The following ZNF780A variants were observed in gnomAD, a reference collection of about 807,000 sequenced individuals.
ZNF780A encodes zinc finger protein 780A.
In ZNF780A, 40 loss-of-function variants were observed where a neutral mutation model predicts 56.7. That is an observed-to-expected ratio of 0.71 (90% CI 0.55 to 0.92). The LOEUF (loss-of-function observed/expected upper bound fraction) is 0.92, where lower values mean the gene tolerates loss of function less well. Ranked by LOEUF, ZNF780A falls within the 40% of genes least tolerant of loss-of-function variation. The pLI is 0.00. For synonymous variants in ZNF780A, 231 were observed against 248.3 expected (o/e 0.93, Z 0.66); for missense variants, 672 against 783.3 (o/e 0.86, Z 1.70).
chr19:40,078,780 A>G (rs564384604), intron 5 of ZNF780A, among the ~76,000 whole-genome samples: 50 of 152,346 alleles, frequency 3.3e-4, no homozygotes, highest in African/African-American at 1.0e-3. Context: ...TCCTACACCT[A>G]GAAGTGAAAG....
At position 40,073,425 on chromosome 19, in the gene ZNF780A, A is replaced by G; in HGVS notation, c.*1091T>C. The G allele has an allele frequency of 1.6e-6, 1 of 607,162 alleles. No homozygotes were observed. The highest frequency in any genetic ancestry group is 2.1e-6 in the Non-Finnish European group (1 of 485,722). The allele number at this position is 607,162 out of a possible 1,614,324, so 37.6% of individuals were successfully genotyped here. Reference sequence around the variant, plus strand: ...CATAAAGACATGAAATGCACACCTGACGTTGGGAAAATGGACCTGATCGTC... The same window carrying G: ...CATAAAGACATGAAATGCACACCTGGCGTTGGGAAAATGGACCTGATCGTC... On this transcript the variant is annotated 3_prime_UTR_variant, in exon 6 of 6. Transcript: ENST00000683561.
chr19:40,084,776 T>C lies in ZNF780A; in HGVS notation c.-23A>G. 6.4e-7 allele frequency: 1 copy of C among 1,553,072 alleles called. No homozygotes were observed. Among genetic ancestry groups the C allele is most frequent in the African/African-American group, 1.4e-5 (1 of 73,212 alleles). ...CATGTTGCTAGAATTACAAAACTGG[T>C]CAATCTTCCTCGGGCTTCTCCCCTG... On this transcript the variant is annotated 5_prime_UTR_variant, in exon 3 of 6. Transcript: ENST00000683561.
intron 2 of ZNF780A, among the ~76,000 whole-genome samples, chr19:40,088,528 A>AACGCTT (rs1446250271): frequency 6.6e-6 from 1 of 152,202 alleles, no homozygotes; most frequent in African/African-American, 2.4e-5. Flanking sequence ...AGAAAAGGGG[A>AACGCTT]ACGCTTACAC....
chr19:40,074,617 C>A lies in ZNF780A; in HGVS notation c.1825G>T (p.Gly609Cys). The A allele has an allele frequency of 6.2e-7, 1 of 1,613,562 alleles. No individual in the cohort carries two copies. The highest frequency in any genetic ancestry group is 1.3e-5 in the African/African-American group (1 of 74,960). The change falls in exon 6 of 6, where the codon GGT becomes TGT. Residue 609 changes from glycine to cysteine, a missense_variant. Gly to Cys is a radical substitution (Grantham distance 159). Coordinates refer to ENST00000683561, the MANE Select transcript of ZNF780A (RefSeq NM_001142578.2). ...QLIRHQKLHTGEKPFECKECG... is the reference protein window; with the variant it reads ...QLIRHQKLHTCEKPFECKECG... Reference sequence around the variant, plus strand: ...TCCTTACATTCAAAGGGTTTCTCACCAGTATGCAATTTCTGATGTCGAATA... The same window carrying A: ...TCCTTACATTCAAAGGGTTTCTCACAAGTATGCAATTTCTGATGTCGAATA...
chr19:40,075,798 T>A lies in ZNF780A; in HGVS notation c.644A>T (p.His215Leu). 1 of 1,614,084 alleles carries A rather than the reference T, an allele frequency of 6.2e-7. No individual in the cohort carries two copies. Among genetic ancestry groups the A allele is most frequent in the Non-Finnish European group, 8.5e-7 (1 of 1,179,980 alleles). The change falls in exon 6 of 6, where the codon CAT becomes CTT. Residue 215 changes from histidine (H) to leucine (L), a missense_variant. Transcript: ENST00000683561. ...HIQFTRHQKF[H>L]TGEKPFECNE... is the part of the protein sequence containing the mutation. Reference sequence around the variant, plus strand: ...ACATTCAAAAGGTTTCTCACCAGTATGAAATTTCTGATGTCGAGTAAATTG... The same window carrying A: ...ACATTCAAAAGGTTTCTCACCAGTAAGAAATTTCTGATGTCGAGTAAATTG...
rs1244157925 is a variant in ZNF780A at position 40,084,727 on chromosome 19, A to G, written c.9+18T>C. 9 of 1,550,564 alleles carry G rather than the reference A, an allele frequency of 5.8e-6. No individual in the cohort carries two copies. Among genetic ancestry groups the G allele is most frequent in the Non-Finnish European group, 7.8e-6 (9 of 1,146,620 alleles). On this transcript the variant is annotated intron_variant, in intron 3 of 5. Transcript: ENST00000683561. ...AAAGTCACCATATTTCAAGGAAAAG[A>G]GAGAAATACAAACTTACATGGACCA...
rs1287008611 is a variant in ZNF780A at position 40,075,155 on chromosome 19, AC to A, written c.1286del (p.Gly429ValfsTer309). The A allele has an allele frequency of 6.2e-7, 1 of 1,613,418 alleles. No homozygotes were observed. Among genetic ancestry groups the A allele is most frequent in the East Asian group, 2.2e-5 (1 of 44,834 alleles). On this transcript the variant is annotated frameshift_variant, in exon 6 of 6. Transcript: ENST00000683561. LOFTEE classifies it high-confidence loss of function. ...TTTTCTGATGCTGAATAAGGTGTGC[AC>A]CACGATTAAAGCCTTTCCCACACTC... Reference protein sequence around the residue: ...CKECGKGFNRGAHLIQHQKIH... With the variant: ...CKECGKGFNRXAHLIQHQKIH...
chr19:40,085,393 T>A, intron 2 of ZNF780A: 1 of 964,260 alleles, frequency 1.0e-6, no homozygotes, highest in Non-Finnish European at 1.2e-6. Context: ...ATATTAAACG[T>A]TCAAGATATA....
At chr19:40,087,908 G>A (rs1340979782) in intron 2 of ZNF780A, among the ~76,000 whole-genome samples, 3 of 152,128 alleles carry the variant, frequency 2.0e-5, no homozygotes, top group Non-Finnish European at 4.4e-5. Flanking sequence ...ATACAATGGG[G>A]AAAAGAGAGA....
intron 5 of ZNF780A, among the ~76,000 whole-genome samples, chr19:40,081,574 CT>C (rs1974480414): frequency 6.6e-6 from 1 of 150,998 alleles, no homozygotes; most frequent in African/African-American, 2.4e-5. Flanking sequence ...AAAGAGGGAA[CT>C]TACTCCACTA....
Position 40,075,950 on chromosome 19 carries a change from C to T in ZNF780A, c.492G>A (p.Pro164=), listed in dbSNP as rs145080441. The change falls in exon 6 of 6, where the codon CCG becomes CCA. Residue 164 remains proline, a synonymous_variant. Transcript: ENST00000683561. ...HASLICNTHK[P]YECKECGKYF... ...ATTTCCCACATTCCTTACATTCATA[C>T]GGTTTATGTGTATTGCAAATAAGAG... The T allele has an allele frequency of 2.5e-3, 3,995 of 1,613,812 alleles. 14 individuals carry two copies. The highest frequency in any genetic ancestry group is 3.0e-3 in the South Asian group (271 of 91,016).
rs1022784968 is a variant in ZNF780A at position 40,073,591 on chromosome 19, C to T, written c.*925G>A. 1.0e-6 allele frequency: 1 copy of T among 985,718 alleles called. No homozygotes were observed. Among genetic ancestry groups the T allele is most frequent in the Non-Finnish European group, 1.2e-6 (1 of 830,314 alleles). The allele number at this position is 985,718 out of a possible 1,614,324, so 61.1% of individuals were successfully genotyped here. On this transcript the variant is annotated 3_prime_UTR_variant, in exon 6 of 6. Coordinates refer to ENST00000683561, the MANE Select transcript of ZNF780A (RefSeq NM_001142578.2). ...TGAACATGACAACTACCCTATATTC[C>T]TCATTCAAAGACTTTCTCACAAGAA... is the stretch of plus-strand genomic sequence containing the variant.
At chr19:40,085,948 G>A (rs1299758419) in intron 2 of ZNF780A, among the ~76,000 whole-genome samples, 2 of 150,342 alleles carry the variant, frequency 1.3e-5, no homozygotes, top group Non-Finnish European at 2.9e-5. Context: ...ACACACACAC[G>A]TGTGTGTATA....
chr19:40,075,035 A>C lies in ZNF780A; in HGVS notation c.1407T>G (p.Gly469=). ...AGTCTTGACATTCAAATGGCTTGTC[A>C]CCAGTATGAATTCGAGAATGTTCAA... The part of the protein sequence containing the change: ...QLIEHSRIHT[G]DKPFECQDCG... Residue 469 remains glycine (G), a synonymous_variant, in exon 6 of 6, where the codon GGT becomes GGG. Coordinates refer to ENST00000683561, the MANE Select transcript of ZNF780A (RefSeq NM_001142578.2). 1 of 1,614,200 alleles carries C rather than the reference A, an allele frequency of 6.2e-7. No homozygotes were observed. The highest frequency in any genetic ancestry group is 8.5e-7 in the Non-Finnish European group (1 of 1,180,024).
chr19:40,089,408 TC>T (rs1975008496), intron 2 of ZNF780A: 2 of 863,374 alleles, frequency 2.3e-6, no homozygotes, highest in Non-Finnish European at 3.3e-6. Flanking sequence ...TTCCCAATGC[TC>T]CTGTTCTGTA....
Position 40,074,555 on chromosome 19 carries a change from A to G in ZNF780A, c.1887T>C (p.Asn629=). The change falls in exon 6 of 6, where the codon AAT becomes AAC. Residue 629 remains asparagine (N), a synonymous_variant. Coordinates refer to ENST00000683561, the MANE Select transcript of ZNF780A (RefSeq NM_001142578.2). ...CACCTGTGTGAATGTTCTTATGGCGATTAAGCTGGGTGGGAAGACTAAAAA... is the reference window on the plus strand; with the variant it reads ...CACCTGTGTGAATGTTCTTATGGCGGTTAAGCTGGGTGGGAAGACTAAAAA... ...GKVFSLPTQL[N]RHKNIHTGEK... is the part of the protein sequence containing the mutation. 2 of 1,614,030 alleles carry G rather than the reference A, an allele frequency of 1.2e-6. No individual in the cohort carries two copies. Among genetic ancestry groups the G allele is most frequent in the Non-Finnish European group, 1.7e-6 (2 of 1,179,956 alleles).
At chr19:40,088,898 A>C (rs1974967574) in intron 2 of ZNF780A, among the ~76,000 whole-genome samples, 1 of 152,218 alleles carries the variant, frequency 6.6e-6, no homozygotes, top group South Asian at 2.1e-4. Context: ...TATTAAGTGA[A>C]GTAAGCCAAG....
Position 40,076,352 on chromosome 19 carries a change from T to G in ZNF780A, c.233-143A>C, listed in dbSNP as rs1974133914. 1.4e-5 allele frequency: 11 copies of G among 813,842 alleles called. No homozygotes were observed. In the South Asian group the frequency reaches 2.5e-4, roughly 19 times the overall value. The allele number at this position is 813,842 out of a possible 1,614,324, so 50.4% of individuals were successfully genotyped here. The stretch of plus-strand genomic sequence containing the variant: ...AGCCAAAACCAACAAAGTTGGTAGA[T>G]AGAACCTTTCTCATATCACTTCTGT... On this transcript the variant is annotated intron_variant, in intron 5 of 5. Transcript: ENST00000683561.
At chr19:40,084,672 C>A (rs1005171796) in intron 3 of ZNF780A, 73 bp downstream of exon 3, 6 of 1,458,860 alleles carry the variant, frequency 4.1e-6, no homozygotes, top group Non-Finnish European at 4.6e-6. Flanking sequence ...TACGAAGCTT[C>A]AGGTTAAATA....
Sources: gnomAD v4.1 joint callset for allele counts (sites outside exome capture counted in the v4.1 genomes callset) on GRCh38, gnomAD v4.1.1 for gene constraint, MANE v1.5 for transcripts, NCBI Gene and HGNC (gene_info 2026-07-23, HGNC 2026-07-21) for gene names.